RIMOC1: variants seen among roughly 807,000 people sequenced by gnomAD.
RIMOC1 encodes the protein RAB7A-interacting MON1-CCZ1 complex subunit 1.
the RIMOC1 span, among the ~76,000 whole-genome samples, chr5:41,913,904 A>G: frequency 6.6e-6 from 1 of 152,238 alleles, no homozygotes; most frequent in Non-Finnish European, 1.5e-5. Flanking sequence ...TGGCAAGTAT[A>G]TACTAGTTAT....
the RIMOC1 span, among the ~76,000 whole-genome samples, chr5:41,914,539 T>C: frequency 6.7e-6 from 1 of 150,342 alleles, no homozygotes; most frequent in Non-Finnish European, 1.5e-5. Flanking sequence ...CAAGGCAGGA[T>C]GATCACTTGA....
the RIMOC1 span, chr5:41,911,074 A>C: frequency 6.2e-7 from 1 of 1,609,802 alleles, no homozygotes; most frequent in South Asian, 1.1e-5. Flanking sequence ...GGGATGAGCT[A>C]CTGGAATGTC....
At chr5:41,917,150 A>G in the RIMOC1 span, 17 of 1,613,794 alleles carry the variant, frequency 1.1e-5, no homozygotes, top group East Asian at 8.9e-5. Context: ...GGGCTGCACT[A>G]CATACAAGGA....
the RIMOC1 span, among the ~76,000 whole-genome samples, chr5:41,910,445 G>A: frequency 1.3e-5 from 2 of 151,718 alleles, no homozygotes; most frequent in Non-Finnish European, 2.9e-5. Context: ...CTGTTCACAG[G>A]CTTTGTACTG....
At chr5:41,920,158 G>C in the RIMOC1 span, 3 of 152,066 alleles carry the variant, frequency 2.0e-5, no homozygotes, top group Non-Finnish European at 4.4e-5. Flanking sequence ...TTTTACCTTC[G>C]TGACCCTGGT....
chr5:41,918,501 C>G, the RIMOC1 span: 42 of 985,282 alleles, frequency 4.3e-5, no homozygotes, highest in Admixed American at 1.8e-4. Flanking sequence ...AGTTATTCTT[C>G]TTTCCCTGGT....
the RIMOC1 span, chr5:41,917,122 T>G: frequency 6.2e-7 from 1 of 1,613,806 alleles, no homozygotes. Context: ...ATGAAGTGGA[T>G]ACTAGTGTGT....
chr5:41,911,190 A>G, the RIMOC1 span: 1 of 1,591,450 alleles, frequency 6.3e-7, no homozygotes, highest in Non-Finnish European at 8.5e-7. Context: ...GTAAGAAGAC[A>G]TTCCTTACAC....
the RIMOC1 span, among the ~76,000 whole-genome samples, chr5:41,906,463 A>G: frequency 2.0e-5 from 3 of 152,222 alleles, no homozygotes; most frequent in East Asian, 1.9e-4. Context: ...AGTGAGTTCA[A>G]TGCAAATCTT....
chr5:41,915,076 G>A, the RIMOC1 span, among the ~76,000 whole-genome samples: 2 of 152,064 alleles, frequency 1.3e-5, no homozygotes, highest in African/African-American at 4.8e-5. Context: ...TAATCATATT[G>A]TTGTTTAGAC....
the RIMOC1 span, chr5:41,918,069 A>G: frequency 1.7e-4 from 167 of 985,134 alleles, no homozygotes; most frequent in Non-Finnish European, 1.9e-4. Flanking sequence ...GCCTTTAATA[A>G]TAGGGGTGAG....
At chr5:41,912,827 T>A in the RIMOC1 span, among the ~76,000 whole-genome samples, 2 of 152,240 alleles carry the variant, frequency 1.3e-5, no homozygotes, top group African/African-American at 4.8e-5. Flanking sequence ...TCTGTCAGCA[T>A]ATTATCAGTA....
the RIMOC1 span, chr5:41,917,101 A>G: frequency 6.2e-7 from 1 of 1,613,872 alleles, no homozygotes; most frequent in East Asian, 2.2e-5. Flanking sequence ...CTGATCAGCA[A>G]CCAGAAAATC....
chr5:41,908,548 G>A, the RIMOC1 span, among the ~76,000 whole-genome samples: 4 of 152,016 alleles, frequency 2.6e-5, no homozygotes, highest in African/African-American at 9.7e-5. Context: ...TTAAATGCTT[G>A]GTGCTGTTCT....
chr5:41,904,413 G>T, the RIMOC1 span: 1 of 1,614,112 alleles, frequency 6.2e-7, no homozygotes, highest in Non-Finnish European at 8.5e-7. Flanking sequence ...GGAAGAGCTC[G>T]GGGATCTGGC....
the RIMOC1 span, among the ~76,000 whole-genome samples, chr5:41,913,076 T>C: frequency 1.3e-5 from 2 of 152,192 alleles, no homozygotes; most frequent in African/African-American, 4.8e-5. Flanking sequence ...TTTAGGACAT[T>C]GCTTTTATTC....
the RIMOC1 span, among the ~76,000 whole-genome samples, chr5:41,910,218 T>C: frequency 6.6e-6 from 1 of 152,122 alleles, no homozygotes; most frequent in Non-Finnish European, 1.5e-5. Context: ...TTACCACGTC[T>C]GTTCTTACAG....
At chr5:41,912,230 A>G in the RIMOC1 span, 1 of 1,146,542 alleles carries the variant, frequency 8.7e-7, no homozygotes, top group Non-Finnish European at 1.3e-6. Context: ...AAAGCTTCTT[A>G]AGATTTTAGG....
chr5:41,912,277 C>A, the RIMOC1 span: 1 of 736,748 alleles, frequency 1.4e-6, no homozygotes, highest in Non-Finnish European at 2.3e-6. Context: ...AAATAAATGT[C>A]AAGGTAGATT....
Sources: allele counts gnomAD v4.1 joint callset (sites outside exome capture counted in the v4.1 genomes callset), GRCh38; gene constraint gnomAD v4.1.1; transcripts MANE v1.5; gene names NCBI Gene and HGNC (gene_info 2026-07-23, HGNC 2026-07-21).